The following TMBIM4 variants were observed in gnomAD, a reference collection of about 807,000 sequenced individuals.
TMBIM4 encodes the protein protein lifeguard 4.
A neutral mutation model predicts 27.7 loss-of-function variants in TMBIM4; 28 were observed. The ratio of observed to expected loss-of-function variants is 1.01; its 90% confidence interval spans 0.75 to 1.38. TMBIM4 has a LOEUF of 1.38. Ranked by LOEUF, TMBIM4 falls within the 40% of genes most tolerant of loss-of-function variation. The pLI, the probability that TMBIM4 is intolerant of heterozygous loss-of-function variation, is 0.00. For synonymous variants in TMBIM4, 115 were observed against 113.1 expected, an observed-to-expected ratio of 1.02 and a Z score of -0.11; for missense variants, 265 against 277.5, an observed-to-expected ratio of 0.95 and a Z score of 0.32.
intron 5 of TMBIM4, among the ~76,000 whole-genome samples, chr12:66,140,042 T>A (rs1160842180): frequency 6.6e-6 from 1 of 152,110 alleles, no homozygotes; most frequent in Non-Finnish European, 1.5e-5. Flanking sequence ...CCAAATATAT[T>A]TAAAGTTAAT....
intron 3 of TMBIM4, among the ~76,000 whole-genome samples, chr12:66,151,169 A>AT (rs1314719000): frequency 4.1e-4 from 44 of 107,634 alleles, no homozygotes; most frequent in Non-Finnish European, 3.5e-4. Context: ...GAATTCATAA[A>AT]CTTTTTAGTT....
intron 5 of TMBIM4, among the ~76,000 whole-genome samples, chr12:66,145,107 A>AT (rs1224583599): frequency 6.6e-6 from 1 of 152,176 alleles, no homozygotes; most frequent in African/African-American, 2.4e-5. Flanking sequence ...TAATGAAACT[A>AT]TTTAAGCAGC....
intron 5 of TMBIM4, among the ~76,000 whole-genome samples, chr12:66,145,598 T>G (rs1279886012): frequency 6.9e-6 from 1 of 145,326 alleles, no homozygotes; most frequent in Non-Finnish European, 1.5e-5. Flanking sequence ...TCTGGAAAGC[T>G]TATTTTTTTT....
intron 1 of TMBIM4, among the ~76,000 whole-genome samples, chr12:66,164,017 A>C (rs562126176): frequency 2.2e-4 from 34 of 152,364 alleles, no homozygotes; most frequent in Non-Finnish European, 4.7e-4. Context: ...AGGATGGTTC[A>C]ATACATGAAA....
At chr12:66,149,988 G>A (rs573286669) in intron 3 of TMBIM4, among the ~76,000 whole-genome samples, 2 of 152,284 alleles carry the variant, frequency 1.3e-5, no homozygotes, top group South Asian at 2.1e-4. Context: ...AGGTCCCTGA[G>A]TAATTTAAGG....
chr12:66,168,103 C>T (rs2052162637), intron 1 of TMBIM4, among the ~76,000 whole-genome samples: 2 of 151,902 alleles, frequency 1.3e-5, no homozygotes, highest in South Asian at 4.2e-4. Flanking sequence ...CATTTGTAAT[C>T]CCAACTACTC....
In TMBIM4 at chr12:66,157,557, C is replaced by T. The variant is rs146615354; in HGVS notation, c.98-4109G>A. On this transcript the variant is annotated intron_variant, in intron 1 of 6. Transcript: ENST00000358230. ...TATATCTTGGTACTTGGAAGTGGGG[C>T]GCTGCCATACCAAACACCTAAAATA... is the stretch of plus-strand genomic sequence containing the variant. Among the ~76,000 whole-genome samples the T allele has an allele frequency of 4.8e-4, 73 of 152,218 alleles. No homozygotes were observed. In the South Asian group the frequency reaches 5.4e-3, roughly 11 times the overall value.
At chr12:66,169,809 C>G in intron 1 of TMBIM4, 46 bp downstream of exon 1, 1 of 1,409,122 alleles carries the variant, frequency 7.1e-7, no homozygotes, top group Non-Finnish European at 9.4e-7. Context: ...AGAGGCCGAG[C>G]AGTGCAGACA....
intron 5 of TMBIM4, among the ~76,000 whole-genome samples, chr12:66,145,592 G>C (rs1232573895): frequency 6.8e-6 from 1 of 147,216 alleles, no homozygotes; most frequent in Non-Finnish European, 1.5e-5. Context: ...AAACTCTCTG[G>C]AAAGCTTATT....
Position 66,137,791 on chromosome 12 carries a change from G to A in TMBIM4, c.*169C>T, listed in dbSNP as rs1757917743. The A allele has an allele frequency of 3.4e-6, 2 of 591,114 alleles. No homozygotes were observed. Among genetic ancestry groups the A allele is most frequent in the Non-Finnish European group, 5.9e-6 (2 of 340,170 alleles). The allele number at this position is 591,114 out of a possible 1,614,324, so 36.6% of individuals were successfully genotyped here. ...TCATAAAGAATAGTAAGATTTTAAA[G>A]CTCTCAAAATTACATATGATACAAA... On this transcript the variant is annotated 3_prime_UTR_variant, in exon 7 of 7. Coordinates refer to ENST00000358230, the MANE Select transcript of TMBIM4 (RefSeq NM_016056.4).
intron 3 of TMBIM4, 95 bp from the exon 4 acceptor site, chr12:66,148,036 T>C (rs1261833918): frequency 9.5e-6 from 11 of 1,156,460 alleles, no homozygotes; most frequent in Non-Finnish European, 9.9e-6. Context: ...CCCATATGAA[T>C]GATCTCATTT....
chr12:66,138,406 C>A (rs937924328), intron 6 of TMBIM4: 1 of 395,808 alleles, frequency 2.5e-6, no homozygotes, highest in Non-Finnish European at 3.4e-6. Flanking sequence ...AAACAGCATT[C>A]CACATATAAA....
intron 3 of TMBIM4, among the ~76,000 whole-genome samples, chr12:66,151,223 G>C (rs1237902776): frequency 1.3e-5 from 2 of 151,962 alleles, no homozygotes; most frequent in African/African-American, 4.8e-5. Context: ...ACTCGTATTT[G>C]ACTACAAGTA....
intron 1 of TMBIM4, among the ~76,000 whole-genome samples, chr12:66,158,508 A>C (rs993442706): frequency 1.3e-5 from 2 of 151,600 alleles, no homozygotes; most frequent in African/African-American, 4.8e-5. Context: ...GTGTGGTGGC[A>C]TGTGCCTGTA....
chr12:66,138,656 T>G, intron 6 of TMBIM4, 68 bp downstream of exon 6: 2 of 1,210,170 alleles, frequency 1.7e-6, no homozygotes, highest in Non-Finnish European at 2.3e-6. Context: ...CTCTTATAGC[T>G]TTTTGAGGTT....
At chr12:66,153,493 T>C (rs571980134) in intron 1 of TMBIM4, 45 bp from the exon 2 acceptor site, 2 of 1,164,420 alleles carry the variant, frequency 1.7e-6, no homozygotes, top group African/African-American at 1.6e-5. Context: ...TAACCATTTA[T>C]CATAGAACAG....
chr12:66,144,237 G>A (rs947437123), intron 5 of TMBIM4, among the ~76,000 whole-genome samples: 9 of 152,088 alleles, frequency 5.9e-5, no homozygotes, highest in African/African-American at 2.2e-4. Context: ...ACTACAGCAA[G>A]TAAGAACTAT....
In TMBIM4 at chr12:66,146,755, T is replaced by C. The variant is rs140825470; in HGVS notation, c.347-797A>G. ...AATTTTTCAGGGGAGTAATTATTCA[T>C]GTTCTTTCTATCATTAAATGCTACA... is the stretch of plus-strand genomic sequence containing the variant. On this transcript the variant is annotated intron_variant, in intron 4 of 6. Transcript: ENST00000358230. Among the ~76,000 whole-genome samples, 1,385 of 152,248 alleles carry C rather than the reference T, an allele frequency of 9.1e-3. 9 individuals are homozygous for C. The highest frequency in any genetic ancestry group is 0.015 in the Admixed American group (224 of 15,288).
intron 1 of TMBIM4, chr12:66,169,375 G>A (rs1398475819): frequency 4.7e-6 from 3 of 634,044 alleles, no homozygotes; most frequent in East Asian, 5.8e-5. Flanking sequence ...AAATAGTGCC[G>A]TCAGGGAGCT....
Sources: allele counts gnomAD v4.1 joint callset (sites outside exome capture counted in the v4.1 genomes callset), GRCh38; gene constraint gnomAD v4.1.1; transcripts MANE v1.5; gene names NCBI Gene and HGNC (gene_info 2026-07-23, HGNC 2026-07-21).